ME3: variants seen among roughly 807,000 people sequenced by gnomAD.
ME3 encodes malic enzyme 3, also known as NADP-dependent malic enzyme, mitochondrial.
Under a neutral mutation model 68.9 loss-of-function variants are expected in ME3, and 48 were observed. That is an observed-to-expected ratio of 0.70 (90% CI 0.55 to 0.89). The LOEUF is 0.89. Among genes scored for constraint, ME3 ranks in the 40% least tolerant of loss-of-function variants. The pLI, the probability that ME3 is intolerant of heterozygous loss-of-function variation, is 0.00. For missense variants in ME3, 675 were observed against 797.4 expected (o/e 0.85, Z 1.85); for synonymous variants, 320 against 318.8 (o/e 1.00, Z -0.04).
chr11:86,653,942 CT>C (rs1404806928), intron 2 of ME3, among the ~76,000 whole-genome samples: 1 of 152,136 alleles, frequency 6.6e-6, no homozygotes, highest in Non-Finnish European at 1.5e-5. Context: ...GAAATACAAA[CT>C]GCCATCAGAG....
intron 4 of ME3, among the ~76,000 whole-genome samples, chr11:86,530,703 C>T (rs1955149403): frequency 6.6e-6 from 1 of 152,186 alleles, no homozygotes; most frequent in African/African-American, 2.4e-5. Flanking sequence ...TGCTTATCTA[C>T]AACCATCTGA....
intron 2 of ME3, among the ~76,000 whole-genome samples, chr11:86,661,832 GTAT>G (rs1946299138): frequency 4.8e-3 from 1 of 208 alleles, no homozygotes; most frequent in Non-Finnish European, 0.1. Flanking sequence ...TCAAGGCAGA[GTAT>G]TGTATTGTAT....
At position 86,617,824 on chromosome 11, in the gene ME3, C is replaced by A. The variant is rs149796856; in HGVS notation, c.183+53938G>T. The stretch of plus-strand genomic sequence containing the variant: ...TAAAATTTCTTTTTTGGGTGCTAAA[C>A]TGCAGCACAGATGTGAAACCTGATC... On this transcript the variant is annotated intron_variant, in intron 2 of 14. Coordinates refer to ENST00000543262, the Ensembl canonical transcript of ME3. 5.9e-3 allele frequency among the ~76,000 whole-genome samples: 901 copies of A among 152,208 alleles called. 5 individuals are homozygous for A. The highest frequency in any genetic ancestry group is 9.9e-3 in the Non-Finnish European group (674 of 67,996).
chr11:86,577,667 CTA>C (rs1958192945), intron 2 of ME3, among the ~76,000 whole-genome samples: 1 of 152,166 alleles, frequency 6.6e-6, no homozygotes, highest in Admixed American at 6.5e-5. Flanking sequence ...TTTTTATATT[CTA>C]TGTTATTAAC....
chr11:86,648,099 G>C (rs150109066), intron 2 of ME3, among the ~76,000 whole-genome samples: 5 of 152,192 alleles, frequency 3.3e-5, no homozygotes, highest in Non-Finnish European at 5.9e-5. Flanking sequence ...TTAGGATTAA[G>C]AAACTCACTC....
intron 2 of ME3, among the ~76,000 whole-genome samples, chr11:86,560,724 GTATGTGTGTGTGTGTGTGTGTGTGTATA>G (rs1309244659): frequency 3.0e-5 from 2 of 66,958 alleles, no homozygotes; most frequent in Non-Finnish European, 5.6e-5. Context: ...GTGTGTGTGT[GTATGTGTGTGTGTGTGTGTGTGTGTATA>G]TATATATATA....
intron 4 of ME3, among the ~76,000 whole-genome samples, chr11:86,523,936 G>C (rs757152592): frequency 6.6e-6 from 1 of 152,208 alleles, no homozygotes; most frequent in Admixed American, 6.5e-5. Context: ...AGTTAATGTA[G>C]TTTCAGCTGT....
At chr11:86,616,451 T>A (rs1010989814) in intron 2 of ME3, among the ~76,000 whole-genome samples, 2 of 152,218 alleles carry the variant, frequency 1.3e-5, no homozygotes, top group Non-Finnish European at 1.5e-5. Context: ...GGATTTTAAA[T>A]TCTTCTTAAA....
intron 2 of ME3, among the ~76,000 whole-genome samples, chr11:86,591,675 C>T (rs897109784): frequency 6.6e-6 from 1 of 152,164 alleles, no homozygotes; most frequent in Non-Finnish European, 1.5e-5. Context: ...TTCCACATGG[C>T]TGGGGAGGCC....
intron 2 of ME3, among the ~76,000 whole-genome samples, chr11:86,577,197 G>A (rs1331917111): frequency 6.6e-6 from 1 of 152,146 alleles, no homozygotes; most frequent in East Asian, 1.9e-4. Context: ...TACTCAGACA[G>A]CACTGAGTCC....
intron 4 of ME3, among the ~76,000 whole-genome samples, chr11:86,543,703 G>A (rs1956189699): frequency 6.6e-6 from 1 of 152,146 alleles, no homozygotes; most frequent in Non-Finnish European, 1.5e-5. Context: ...CACAAGAACA[G>A]CGGGAGACTT....
At chr11:86,656,939 A>G (rs1043918720) in intron 2 of ME3, among the ~76,000 whole-genome samples, 7 of 152,166 alleles carry the variant, frequency 4.6e-5, no homozygotes, top group Non-Finnish European at 1.0e-4. Flanking sequence ...TGCCAGTTAG[A>G]ATGGCAATCA....
At chr11:86,663,700 T>C (rs1461307881) in intron 2 of ME3, among the ~76,000 whole-genome samples, 1 of 151,482 alleles carries the variant, frequency 6.6e-6, no homozygotes, top group Non-Finnish European at 1.5e-5. Flanking sequence ...AAGAAAAGAG[T>C]AGATGATAAA....
chr11:86,633,971 A>T (rs79082958), intron 2 of ME3, among the ~76,000 whole-genome samples: 3,738 of 152,216 alleles, frequency 0.025, 139 homozygotes, highest in African/African-American at 0.08. Context: ...TCCAGATAGG[A>T]GGAAAGAAAA....
At chr11:86,524,726 G>A (rs1954597869) in intron 4 of ME3, among the ~76,000 whole-genome samples, 1 of 152,178 alleles carries the variant, frequency 6.6e-6, no homozygotes, top group Non-Finnish European at 1.5e-5. Flanking sequence ...AGTTTTCAAA[G>A]TGCACAGAAG....
chr11:86,658,504 T>C (rs886479278), intron 2 of ME3, among the ~76,000 whole-genome samples: 27 of 152,110 alleles, frequency 1.8e-4, no homozygotes, highest in African/African-American at 6.3e-4. Context: ...TATGTGATTG[T>C]TATTATTTTT....
intron 5 of ME3, among the ~76,000 whole-genome samples, chr11:86,503,247 G>C (rs1448130018): frequency 1.3e-5 from 2 of 152,170 alleles, no homozygotes; most frequent in Non-Finnish European, 2.9e-5. Flanking sequence ...TAGAGCACTT[G>C]GCATCATACC....
chr11:86,529,103 C>T (rs573708801), intron 4 of ME3, among the ~76,000 whole-genome samples: 1 of 152,156 alleles, frequency 6.6e-6, no homozygotes, highest in Non-Finnish European at 1.5e-5. Context: ...AATTGATAGA[C>T]TGCTAGCGAG....
At chr11:86,503,613 C>T (rs1952865460) in intron 5 of ME3, among the ~76,000 whole-genome samples, 1 of 152,242 alleles carries the variant, frequency 6.6e-6, no homozygotes, top group African/African-American at 2.4e-5. Context: ...CCTAATACGT[C>T]TCTGAGACTG....
Sources: gnomAD v4.1 joint callset for allele counts (sites outside exome capture counted in the v4.1 genomes callset) on GRCh38, gnomAD v4.1.1 for gene constraint, MANE v1.5 for transcripts, NCBI Gene and HGNC (gene_info 2026-07-23, HGNC 2026-07-21) for gene names.